LIPI: variants seen among roughly 807,000 people sequenced by gnomAD.
The protein encoded by LIPI is lipase I, also known as lipase member I.
LIPI carries 59 observed loss-of-function variants against 50.6 expected under a neutral mutation model. The ratio of observed to expected loss-of-function variants is 1.16; its 90% CI spans 0.94 to 1.45. The LOEUF is 1.45. Among genes scored for constraint, LIPI ranks in the 40% most tolerant of loss-of-function variants. The pLI, the probability that LIPI is intolerant of heterozygous loss-of-function variation, is 0.00. For missense variants in LIPI, 586 were observed against 536.3 expected, an observed-to-expected ratio of 1.09 and a Z score of -0.92; for synonymous variants, 203 against 178.2, an observed-to-expected ratio of 1.14 and a Z score of -1.11.
chr21:14,202,236 T>C (rs895363798), intron 1 of LIPI, among the ~76,000 whole-genome samples: 8 of 152,108 alleles, frequency 5.3e-5, no homozygotes, highest in Admixed American at 4.6e-4. Flanking sequence ...AGAATCAATA[T>C]CGTGAAAATG....
At position 14,186,010 on chromosome 21, in the gene LIPI, G is replaced by A. The variant is rs1460608426; in HGVS notation, c.492C>T (p.Ile164=). The change falls in exon 3 of 10, where the codon ATC becomes ATT. Residue 164 remains isoleucine, a synonymous_variant. Coordinates refer to ENST00000681601, the MANE Select transcript of LIPI (RefSeq NM_001302998.2). The part of the protein sequence containing the change: ...HFIGVSLGAH[I]SGFVGKIFHG... ...GAAATATCTTTCCAACAAATCCACT[G>A]ATATGAGCCCCTAAGCTCACACCTA... 1 of 1,605,470 alleles carries A rather than the reference G, an allele frequency of 6.2e-7. No homozygotes were observed. Among genetic ancestry groups the A allele is most frequent in the Admixed American group, 1.7e-5 (1 of 59,992 alleles).
chr21:14,129,161 A>G (rs922840525), intron 9 of LIPI, among the ~76,000 whole-genome samples: 1 of 152,106 alleles, frequency 6.6e-6, no homozygotes, highest in African/African-American at 2.4e-5. Context: ...TATAGATAAG[A>G]GAAGGCATAA....
At chr21:14,114,490 C>G (rs1331289332) in intron 9 of LIPI, among the ~76,000 whole-genome samples, 2 of 152,160 alleles carry the variant, frequency 1.3e-5, no homozygotes, top group Middle Eastern at 3.2e-3. Context: ...GAGCTAGAGA[C>G]TCCACCCCCT....
chr21:14,165,327 G>C lies in LIPI; in HGVS notation c.797C>G (p.Thr266Arg), dbSNP rs138935609. The change falls in exon 6 of 10, where the codon ACA (threonine) becomes AGA (arginine). Residue 266 changes from threonine to arginine, a missense_variant. By Grantham distance (71) the Thr-to-Arg change is moderately conservative. Transcript: ENST00000681601. ...AGGAAATGAAATAAAATTGCAGTTT[G>C]TTTCTAAAGATGCCATGAACAAGTG... ...AVHLFMASLE[T>R]NCNFISFPCR... is the part of the protein sequence containing the mutation. 1 of 1,611,190 alleles carries C rather than the reference G, an allele frequency of 6.2e-7. No individual in the cohort carries two copies. Among genetic ancestry groups the C allele is most frequent in the African/African-American group, 1.3e-5 (1 of 74,744 alleles).
intron 4 of LIPI, among the ~76,000 whole-genome samples, chr21:14,166,895 C>T (rs539761872): frequency 4.5e-4 from 68 of 152,280 alleles, no homozygotes; most frequent in Middle Eastern, 3.4e-3. Flanking sequence ...ATGTGCAAGC[C>T]GAAGCAGGGT....
chr21:14,189,031 T>TA lies in LIPI; in HGVS notation c.432+2dup, dbSNP rs1465685422. 1.2e-6 allele frequency: 2 copies of TA among 1,602,044 alleles called. No homozygotes were observed. Among genetic ancestry groups the TA allele is most frequent in the African/African-American group, 2.7e-5 (2 of 74,912 alleles). On this transcript the variant is annotated splice_region_variant and intron_variant, in intron 2 of 9. Coordinates refer to ENST00000681601, the MANE Select transcript of LIPI (RefSeq NM_001302998.2). ...GTATAATACATAAAATTCCCAGACT[T>TA]ACCAAAAGATTTTTAATGTGCACAC...
intron 1 of LIPI, among the ~76,000 whole-genome samples, chr21:14,201,572 C>T (rs2020055469): frequency 1.3e-5 from 2 of 152,052 alleles, no homozygotes; most frequent in African/African-American, 4.8e-5. Flanking sequence ...TAAACAGAAC[C>T]AACGACAAAA....
Position 14,203,233 on chromosome 21 carries a change from G to A in LIPI, c.46+7567C>T, listed in dbSNP as rs915411637. ...AAATAGGAACACTTTTACACTGTTG[G>A]TGGGACTGTAAACTAGTTCAACCAT... is the stretch of plus-strand genomic sequence containing the variant. On this transcript the variant is annotated intron_variant, in intron 1 of 9. Transcript: ENST00000681601. Among the ~76,000 whole-genome samples the A allele has an allele frequency of 9.4e-3, 1,429 of 152,014 alleles. 24 individuals are homozygous for A. Among genetic ancestry groups the A allele is most frequent in the African/African-American group, 0.033 (1,371 of 41,514 alleles).
intron 8 of LIPI, among the ~76,000 whole-genome samples, chr21:14,148,065 A>G (rs981595139): frequency 1.3e-5 from 2 of 152,146 alleles, no homozygotes; most frequent in African/African-American, 2.4e-5. Context: ...ATCTGGTCCA[A>G]TGAATCATTA....
At chr21:14,144,591 A>T in intron 9 of LIPI, 32 bp downstream of exon 9, 1 of 1,196,032 alleles carries the variant, frequency 8.4e-7, no homozygotes, top group Non-Finnish European at 1.2e-6. Context: ...TTTAAAAGAT[A>T]ACATGTTGAA....
intron 1 of LIPI, among the ~76,000 whole-genome samples, chr21:14,190,652 T>TG (rs1224341588): frequency 1.3e-5 from 2 of 152,192 alleles, no homozygotes; most frequent in African/African-American, 2.4e-5. Context: ...AAGCAAGACT[T>TG]GCATTCCATT....
At chr21:14,175,049 T>A (rs1318011080) in intron 4 of LIPI, among the ~76,000 whole-genome samples, 1 of 152,242 alleles carries the variant, frequency 6.6e-6, no homozygotes, top group East Asian at 1.9e-4. Flanking sequence ...AGTATTTCAT[T>A]GTATGAACAT....
At chr21:14,157,356 C>G (rs1308811345) in intron 7 of LIPI, among the ~76,000 whole-genome samples, 1 of 151,906 alleles carries the variant, frequency 6.6e-6, no homozygotes, top group African/African-American at 2.4e-5. Context: ...TTTAGTCACA[C>G]AAAAGGGTCT....
At position 14,209,423 on chromosome 21, in the gene LIPI, C is replaced by CTT. The variant is rs550709382; in HGVS notation, c.46+1375_46+1376dup. On this transcript the variant is annotated intron_variant, in intron 1 of 9. Transcript: ENST00000681601. Reference sequence around the variant, plus strand: ...GAGCATGTGTAATAAATAAAACACACTTGTATGAAATAAACTACTGGAAAT... The same window carrying CTT: ...GAGCATGTGTAATAAATAAAACACACTTTTGTATGAAATAAACTACTGGAAAT... Among the ~76,000 whole-genome samples, 8 of 152,174 alleles carry CTT rather than the reference C, an allele frequency of 5.3e-5. No homozygotes were observed. The East Asian group carries it at 1.4e-3, about 26-fold the overall frequency.
At chr21:14,171,979 C>T (rs1164731246) in intron 4 of LIPI, among the ~76,000 whole-genome samples, 1 of 151,178 alleles carries the variant, frequency 6.6e-6, no homozygotes, top group African/African-American at 2.4e-5. Context: ...TGACAAAGGG[C>T]TAATATCCAG....
At chr21:14,176,628 T>G (rs184686921) in intron 4 of LIPI, among the ~76,000 whole-genome samples, 53 of 151,760 alleles carry the variant, frequency 3.5e-4, no homozygotes, top group Non-Finnish European at 6.2e-4. Context: ...ATTAAGTGCA[T>G]TAAAGATAGA....
At chr21:14,148,035 C>T (rs1336500925) in intron 8 of LIPI, among the ~76,000 whole-genome samples, 1 of 152,028 alleles carries the variant, frequency 6.6e-6, no homozygotes, top group African/African-American at 2.4e-5. Flanking sequence ...ATTTAACATC[C>T]TATATTGGCA....
chr21:14,160,280 A>T (rs2018416902), intron 7 of LIPI, among the ~76,000 whole-genome samples: 1 of 151,412 alleles, frequency 6.6e-6, no homozygotes, highest in Admixed American at 6.6e-5. Context: ...AAAAGAAATG[A>T]ACACATACAT....
At chr21:14,202,698 A>C (rs1436038247) in intron 1 of LIPI, among the ~76,000 whole-genome samples, 8 of 152,240 alleles carry the variant, frequency 5.3e-5, no homozygotes, top group African/African-American at 1.9e-4. Context: ...TGGATTAAAG[A>C]CTTAAATGTT....
Sources: allele counts gnomAD v4.1 joint callset (sites outside exome capture counted in the v4.1 genomes callset), GRCh38; gene constraint gnomAD v4.1.1; transcripts MANE v1.5; gene names NCBI Gene and HGNC (gene_info 2026-07-23, HGNC 2026-07-21).